The following LMF1 variants were observed in gnomAD, a reference collection of about 807,000 sequenced individuals.
LMF1 encodes transmembrane protein 112.
Under a neutral mutation model 60.6 loss-of-function variants are expected in LMF1, and 68 were observed. The observed-to-expected ratio is 1.12, with a 90% confidence interval of 0.92 to 1.37. LMF1 has a LOEUF of 1.37. Among genes scored for constraint, LMF1 ranks in the 40% most tolerant of loss-of-function variants. The pLI, the probability that LMF1 is intolerant of heterozygous loss-of-function variation, is 0.00. For missense variants in LMF1, 948 were observed against 767.2 expected (o/e 1.24, Z -2.78); for synonymous variants, 418 against 324.7 (o/e 1.29, Z -3.09).
In LMF1 at chr16:922,729, G is replaced by A. The variant is rs28489520; in HGVS notation, c.514+11515C>T. On this transcript the variant is annotated intron_variant, in intron 3 of 10. Coordinates refer to ENST00000262301, the MANE Select transcript of LMF1 (RefSeq NM_022773.4). Reference sequence around the variant, plus strand: ...CTGTGTGAAAGTCGCCTGGGTTTTCGGGTGTGATGTGGTGTTGGCGTCGTG... The same window carrying A: ...CTGTGTGAAAGTCGCCTGGGTTTTCAGGTGTGATGTGGTGTTGGCGTCGTG... Among the ~76,000 whole-genome samples, 320 of 133,458 alleles carry A rather than the reference G, an allele frequency of 2.4e-3. 3 individuals are homozygous for A. Among genetic ancestry groups the A allele is most frequent in the African/African-American group, 9.0e-3 (299 of 33,230 alleles). 87.6% of individuals were successfully genotyped at this position (133,458 alleles called of 152,430 possible).
At chr16:876,987 C>T (rs973291317) in intron 6 of LMF1, among the ~76,000 whole-genome samples, 31 of 152,326 alleles carry the variant, frequency 2.0e-4, no homozygotes, top group Middle Eastern at 3.4e-3. Flanking sequence ...AAGACGGCCA[C>T]GCTGACCCTA....
intron 5 of LMF1, among the ~76,000 whole-genome samples, chr16:882,061 C>T (rs910761761): frequency 3.9e-5 from 6 of 152,194 alleles, no homozygotes; most frequent in East Asian, 3.9e-4. Context: ...GTAATTGCCA[C>T]GGGCTCTCAG....
intron 3 of LMF1, chr16:931,679 G>A: frequency 3.9e-6 from 5 of 1,287,226 alleles, no homozygotes; most frequent in South Asian, 1.2e-5. Context: ...CAAGATCAGG[G>A]AAGGGAAGAC....
chr16:895,594 G>A (rs929441927), intron 4 of LMF1, among the ~76,000 whole-genome samples: 3 of 152,174 alleles, frequency 2.0e-5, no homozygotes, highest in African/African-American at 7.2e-5. Flanking sequence ...CAATTCCAAC[G>A]TGTTTGGAAC....
intron 3 of LMF1, among the ~76,000 whole-genome samples, chr16:916,461 A>G (rs963066828): frequency 1.3e-5 from 2 of 152,222 alleles, no homozygotes; most frequent in Non-Finnish European, 2.9e-5. Flanking sequence ...GTTATATTTT[A>G]AGCTGAAAAG....
At chr16:893,697 G>A (rs1256733332) in intron 4 of LMF1, among the ~76,000 whole-genome samples, 2 of 152,084 alleles carry the variant, frequency 1.3e-5, no homozygotes, top group African/African-American at 4.8e-5. Flanking sequence ...GTTCTGCAGT[G>A]CCAGGGCCAC....
At chr16:896,695 TC>T (rs986817286) in intron 4 of LMF1, among the ~76,000 whole-genome samples, 2 of 151,332 alleles carry the variant, frequency 1.3e-5, no homozygotes, top group African/African-American at 4.9e-5. Flanking sequence ...CCGCCACTGC[TC>T]CCCCCGCATG....
chr16:948,826 ACGACAGAG>A (rs2072336739), intron 2 of LMF1, among the ~76,000 whole-genome samples: 3 of 124,872 alleles, frequency 2.4e-5, no homozygotes, highest in Admixed American at 8.1e-5. Context: ...GAGTCAGCCA[ACGACAGAG>A]TCAGAGCCAA....
Position 970,922 on chromosome 16 carries a change from G to T in LMF1, c.59C>A (p.Thr20Asn), listed in dbSNP as rs375907650. ...CTCAGGCTCCGGATCCGAGTACCCA[G>T]TCTTCCGCCTCCTCAGCGACTCCGC... ...APAESLRRRK[T>N]GYSDPEPESP... Residue 20 changes from threonine (T) to asparagine (N), a missense_variant, in exon 1 of 11, where the codon ACT (threonine) becomes AAT (asparagine). Physicochemically the swap from Thr to Asn is moderately conservative, Grantham distance 65 (BLOSUM62 0). Transcript: ENST00000262301. 6.4e-7 allele frequency: 1 copy of T among 1,572,960 alleles called. No homozygotes were observed. Among genetic ancestry groups the T allele is most frequent in the East Asian group, 2.4e-5 (1 of 41,906 alleles).
At position 871,441 on chromosome 16, in the gene LMF1, G is replaced by A. The variant is rs962269664; in HGVS notation, c.898-100C>T. The A allele has an allele frequency of 4.2e-6, 5 of 1,203,144 alleles. No homozygotes were observed. The African/African-American group carries it at 6.1e-5, about 15-fold the overall frequency. 74.5% of individuals were successfully genotyped at this position (1,203,144 alleles called of 1,614,324 possible). On this transcript the variant is annotated intron_variant, in intron 6 of 10. Coordinates refer to ENST00000262301, the MANE Select transcript of LMF1 (RefSeq NM_022773.4). ...GGAGCAGGGAGGGGGGAGGGAACCT[G>A]CACCCAGCTCTGCCCTTGCTGTCCC...
In LMF1 at chr16:879,556, C is replaced by T. The variant is rs201577520; in HGVS notation, c.897+14G>A. The T allele has an allele frequency of 3.5e-4, 568 of 1,610,800 alleles. 4 individuals are homozygous for T. The African/African-American group carries it at 6.1e-3, about 17-fold the overall frequency. On this transcript the variant is annotated intron_variant, in intron 6 of 10. Coordinates refer to ENST00000262301, the MANE Select transcript of LMF1 (RefSeq NM_022773.4). ...CTCTGTGGACACGGGGCAGGGCGGG[C>T]GGCGCGGGCTCACCTGGAACAGGAT...
intron 1 of LMF1, chr16:977,036 G>A (rs766103803): frequency 8.8e-6 from 4 of 454,192 alleles, no homozygotes; most frequent in Admixed American, 4.7e-5. Context: ...TGGGCTGCAG[G>A]CAGACGTAAG....
intron 3 of LMF1, 164 bp downstream of exon 3, chr16:934,080 G>A (rs1298069938): frequency 2.0e-6 from 3 of 1,520,424 alleles, no homozygotes; most frequent in Non-Finnish European, 2.6e-6. Context: ...CAGGGAGGAG[G>A]CACGGATCAG....
intron 2 of LMF1, among the ~76,000 whole-genome samples, chr16:950,877 GGAGTCAGAGCCAACGACA>G (rs1473492428): frequency 2.7e-4 from 12 of 43,742 alleles, no homozygotes; most frequent in East Asian, 1.3e-3. Context: ...AGCCAAGGAC[GGAGTCAGAGCCAACGACA>G]GAGTCAGAGC....
intron 7 of LMF1, 127 bp from the exon 8 acceptor site, chr16:871,009 A>C (rs990341395): frequency 2.8e-6 from 4 of 1,407,942 alleles, no homozygotes; most frequent in Non-Finnish European, 3.8e-6. Context: ...CAGCACCCGA[A>C]CTCACACACC....
At chr16:963,372 T>C (rs1008428747) in intron 1 of LMF1, among the ~76,000 whole-genome samples, 1 of 151,976 alleles carries the variant, frequency 6.6e-6, no homozygotes, top group Non-Finnish European at 1.5e-5. Context: ...TGCATATGGG[T>C]ATGACATGCC....
At chr16:905,383 G>A (rs528785807) in intron 4 of LMF1, among the ~76,000 whole-genome samples, 12 of 152,196 alleles carry the variant, frequency 7.9e-5, no homozygotes, top group South Asian at 4.2e-4. Flanking sequence ...CAGGACGCCC[G>A]TCTCTGCTGT....
intron 1 of LMF1, chr16:963,986 C>T: frequency 2.2e-6 from 1 of 454,592 alleles, no homozygotes; most frequent in Non-Finnish European, 4.4e-6. Flanking sequence ...GTCACTACCC[C>T]ACACGGGAGG....
At chr16:919,140 C>A (rs2071361136) in intron 3 of LMF1, among the ~76,000 whole-genome samples, 1 of 152,112 alleles carries the variant, frequency 6.6e-6, no homozygotes, top group Non-Finnish European at 1.5e-5. Context: ...GGGGGACAGT[C>A]TGTTTTCACT....
Sources: gnomAD v4.1 joint callset for allele counts (sites outside exome capture counted in the v4.1 genomes callset) on GRCh38, gnomAD v4.1.1 for gene constraint, MANE v1.5 for transcripts, NCBI Gene and HGNC (gene_info 2026-07-23, HGNC 2026-07-21) for gene names.